The following CSMD1 variants were observed in gnomAD, a reference collection of about 807,000 sequenced individuals.
CSMD1 encodes the protein CUB and Sushi multiple domains 1, also known as CUB and sushi domain-containing protein 1.
A neutral mutation model predicts 417.5 loss-of-function variants in CSMD1; 213 were observed. The observed-to-expected ratio is 0.51, with a 90% CI of 0.46 to 0.57. The LOEUF (loss-of-function observed/expected upper bound fraction) is 0.57. CSMD1 is among the 20% of genes least tolerant of loss of function. The pLI is 0.00. For synonymous variants in CSMD1, 2,862 were observed against 1,736.8 expected (o/e 1.65, Z -16.11); for missense variants, 6,923 against 4,529.7 (o/e 1.53, Z -15.17).
At chr8:4,612,242 C>T (rs950835379) in intron 2 of CSMD1, among the ~76,000 whole-genome samples, 1 of 152,118 alleles carries the variant, frequency 6.6e-6, no homozygotes, top group Non-Finnish European at 1.5e-5. Context: ...ACTTCCGTTT[C>T]CAGCACATGT....
chr8:4,082,819 G>A (rs989094131), intron 3 of CSMD1, among the ~76,000 whole-genome samples: 1 of 132,084 alleles, frequency 7.6e-6, no homozygotes, highest in Admixed American at 9.4e-5. Context: ...CTGTGTCCAT[G>A]CATTCTCATT....
chr8:4,862,627 A>G lies in CSMD1; in HGVS notation c.85+131705T>C, dbSNP rs144234578. 4.3e-3 allele frequency among the ~76,000 whole-genome samples: 660 copies of G among 152,182 alleles called. 7 individuals carry two copies. Among genetic ancestry groups the G allele is most frequent in the African/African-American group, 0.015 (606 of 41,450 alleles). Reference sequence around the variant, plus strand: ...AAATTGGAATACGGTTTTAGAGAAAAACAGAAACCAAGGAGGACACCAAGT... The same window carrying G: ...AAATTGGAATACGGTTTTAGAGAAAGACAGAAACCAAGGAGGACACCAAGT... On this transcript the variant is annotated intron_variant, in intron 1 of 69. Transcript: ENST00000635120.
chr8:4,886,875 T>A lies in CSMD1; in HGVS notation c.85+107457A>T, dbSNP rs1803779402. Among the ~76,000 whole-genome samples the A allele has an allele frequency of 2.0e-5, 3 of 152,092 alleles. No individual in the cohort carries two copies. The South Asian group carries it at 6.2e-4, about 31-fold the overall frequency. ...TAAGTAACTTTTCTTTTTGCTTTAATTGGAAAGTCTATTTAAGACTTTTTA... is the reference window on the plus strand; with the variant it reads ...TAAGTAACTTTTCTTTTTGCTTTAAATGGAAAGTCTATTTAAGACTTTTTA... On this transcript the variant is annotated intron_variant, in intron 1 of 69. Coordinates refer to ENST00000635120, the MANE Select transcript of CSMD1 (RefSeq NM_033225.6).
intron 7 of CSMD1, among the ~76,000 whole-genome samples, chr8:3,677,679 T>C (rs908786343): frequency 6.6e-6 from 1 of 152,194 alleles, no homozygotes; most frequent in African/African-American, 2.4e-5. Flanking sequence ...TAGGGCTCTT[T>C]GGCCAGAGCT....
chr8:3,351,933 T>G (rs540342546), intron 21 of CSMD1, among the ~76,000 whole-genome samples: 3 of 152,210 alleles, frequency 2.0e-5, no homozygotes, highest in South Asian at 4.1e-4. Flanking sequence ...TTTTCAGCCG[T>G]TATTTGTGTT....
Position 4,598,291 on chromosome 8 carries a change from T to C in CSMD1, c.302+39051A>G, listed in dbSNP as rs145345441. 8.9e-3 allele frequency among the ~76,000 whole-genome samples: 1,349 copies of C among 152,314 alleles called. 15 individuals carry two copies. The highest frequency in any genetic ancestry group is 0.02 in the Middle Eastern group (6 of 294). On this transcript the variant is annotated intron_variant, in intron 2 of 69. Coordinates refer to ENST00000635120, the MANE Select transcript of CSMD1 (RefSeq NM_033225.6). ...ACACAATGATGATTTGGATTTGCTATTTGAATTACGAATACTATGCTGAAT... is the reference window on the plus strand; with the variant it reads ...ACACAATGATGATTTGGATTTGCTACTTGAATTACGAATACTATGCTGAAT...
chr8:4,249,433 T>C (rs1186219258), intron 3 of CSMD1, among the ~76,000 whole-genome samples: 1 of 152,138 alleles, frequency 6.6e-6, no homozygotes, highest in Non-Finnish European at 1.5e-5. Context: ...TGAAAAAGGA[T>C]CCTATAATCA....
At chr8:3,817,728 G>C (rs992900106) in intron 5 of CSMD1, among the ~76,000 whole-genome samples, 2 of 152,094 alleles carry the variant, frequency 1.3e-5, no homozygotes, top group African/African-American at 2.4e-5. Context: ...TCAGAATAAA[G>C]AGCTAAGGAG....
In CSMD1 at chr8:3,539,914, C is replaced by T. The variant is rs563684333; in HGVS notation, c.1344+35031G>A. Among the ~76,000 whole-genome samples the T allele has an allele frequency of 2.0e-5, 3 of 152,290 alleles. No homozygotes were observed. The South Asian group carries it at 6.2e-4, about 32-fold the overall frequency. ...TTCCCTTTGAATTTAGACACAATTG[C>T]TTCATGGATAGACCATAACTTCTCT... is the stretch of plus-strand genomic sequence containing the variant. On this transcript the variant is annotated intron_variant, in intron 10 of 69. Coordinates refer to ENST00000635120, the MANE Select transcript of CSMD1 (RefSeq NM_033225.6).
chr8:4,059,472 A>T (rs560463113), intron 3 of CSMD1, among the ~76,000 whole-genome samples: 1 of 152,356 alleles, frequency 6.6e-6, no homozygotes, highest in Non-Finnish European at 1.5e-5. Context: ...TAGAGATGCA[A>T]ATAACCCTTC....
chr8:4,935,048 T>A (rs538163480), intron 1 of CSMD1, among the ~76,000 whole-genome samples: 1 of 152,336 alleles, frequency 6.6e-6, no homozygotes, highest in African/African-American at 2.4e-5. Context: ...ATATACACAC[T>A]TATGCAGATA....
At chr8:3,648,387 A>G (rs1020410102) in intron 7 of CSMD1, among the ~76,000 whole-genome samples, 13 of 152,212 alleles carry the variant, frequency 8.5e-5, no homozygotes, top group African/African-American at 3.1e-4. Flanking sequence ...AGACTTTGTG[A>G]GACTGACATG....
chr8:4,785,787 A>C (rs534743046), intron 1 of CSMD1, among the ~76,000 whole-genome samples: 1 of 152,268 alleles, frequency 6.6e-6, no homozygotes, highest in South Asian at 2.1e-4. Flanking sequence ...GAACCTTATA[A>C]GATATAAGTG....
intron 4 of CSMD1, among the ~76,000 whole-genome samples, chr8:4,017,410 A>G (rs1322860195): frequency 1.3e-5 from 2 of 152,054 alleles, no homozygotes; most frequent in Admixed American, 1.3e-4. Flanking sequence ...GGTTCAATCG[A>G]TTCTCCTGCC....
chr8:4,120,012 G>A (rs1046780109), intron 3 of CSMD1, among the ~76,000 whole-genome samples: 2 of 152,118 alleles, frequency 1.3e-5, no homozygotes, highest in African/African-American at 2.4e-5. Flanking sequence ...TAGGGTGACG[G>A]CAGTTGATGA....
At chr8:3,915,471 AG>A (rs1808754777) in intron 5 of CSMD1, among the ~76,000 whole-genome samples, 1 of 151,192 alleles carries the variant, frequency 6.6e-6, no homozygotes, top group Non-Finnish European at 1.5e-5. Flanking sequence ...CAAGGACTTC[AG>A]GGAAGTGCAG....
rs1412682196 is a variant in CSMD1 at position 4,750,242 on chromosome 8, T to C, written c.86-112684A>G. Among the ~76,000 whole-genome samples the C allele has an allele frequency of 2.7e-3, 413 of 152,074 alleles. 2 individuals are homozygous for C. Among genetic ancestry groups the C allele is most frequent in the African/African-American group, 9.5e-3 (394 of 41,464 alleles). On this transcript the variant is annotated intron_variant, in intron 1 of 69. Transcript: ENST00000635120. ...CACGATGGTCTCGATCTCCCGACATTGTGATCCGCCCGCCTCGGCCTCCCA... is the reference window on the plus strand; with the variant it reads ...CACGATGGTCTCGATCTCCCGACATCGTGATCCGCCCGCCTCGGCCTCCCA...
At chr8:2,949,431 A>G in intron 67 of CSMD1, 45 bp from the exon 68 acceptor site, 1 of 1,001,904 alleles carries the variant, frequency 1.0e-6, no homozygotes, top group South Asian at 1.4e-5. Flanking sequence ...AGGTATACGA[A>G]GGGATGAATA....
intron 11 of CSMD1, among the ~76,000 whole-genome samples, chr8:3,491,072 A>T (rs74865740): frequency 0.018 from 2,795 of 152,246 alleles, 100 homozygotes; most frequent in African/African-American, 0.063. Context: ...GTATAGCAAA[A>T]AAGTATGCCA....
Sources: gnomAD v4.1 joint callset for allele counts (sites outside exome capture counted in the v4.1 genomes callset) on GRCh38, gnomAD v4.1.1 for gene constraint, MANE v1.5 for transcripts, NCBI Gene and HGNC (gene_info 2026-07-23, HGNC 2026-07-21) for gene names.